Variants in RPTN observed in about 807,000 individuals in gnomAD.
RPTN encodes the protein repetin.
RPTN carries 4 observed loss-of-function variants against 3.6 expected under a neutral mutation model. The ratio of observed to expected loss-of-function variants is 1.12; its 90% CI spans 0.55 to 2.55. RPTN has a LOEUF of 2.55. RPTN is among the 30% of genes most tolerant of loss of function. RPTN has a pLI of 0.02. For synonymous variants in RPTN, 293 were observed against 319.3 expected (o/e 0.92, Z 0.88); for missense variants, 860 against 916.7 (o/e 0.94, Z 0.80).
chr1:152,155,914 G>C lies in RPTN; in HGVS notation c.1185C>G (p.Asp395Glu). The change falls in exon 3 of 3, where the codon GAC (aspartate) becomes GAG (glutamate). Residue 395 changes from aspartate to glutamate, a missense_variant. By Grantham distance (45) the Asp-to-Glu change is conservative. Coordinates refer to ENST00000316073, the MANE Select transcript of RPTN (RefSeq NM_001122965.1). ...CATAGTGAGAACTTTGGTCTTGTCT[G>C]TCTGTCTGACCATAGTGAGAACTCT... ...QDQSSHYGQT[D>E]RQDQSSHYGQ... The C allele has an allele frequency of 1.2e-6, 2 of 1,613,794 alleles. No homozygotes were observed. The highest frequency in any genetic ancestry group is 8.5e-7 in the Non-Finnish European group (1 of 1,179,934).
In RPTN at chr1:152,154,582, C is replaced by T; in HGVS notation, c.*162G>A. ...TGTGTCTTTTCTGTGAGCCTTGGCT[C>T]TGGTCATCCTCTTTCATGTGGAATT... On this transcript the variant is annotated 3_prime_UTR_variant, in exon 3 of 3. Coordinates refer to ENST00000316073, the MANE Select transcript of RPTN (RefSeq NM_001122965.1). 2 of 1,002,942 alleles carry T rather than the reference C, an allele frequency of 2.0e-6. No individual in the cohort carries two copies. The highest frequency in any genetic ancestry group is 1.5e-6 in the Non-Finnish European group (1 of 671,690). 62.1% of individuals were successfully genotyped at this position (1,002,942 alleles called of 1,614,324 possible). A position where few individuals can be genotyped will look rare whatever the true frequency, so the allele number is the denominator to read the frequency against.
chr1:152,155,123 T>C lies in RPTN; in HGVS notation c.1976A>G (p.Gln659Arg). 1.9e-6 allele frequency: 3 copies of C among 1,614,176 alleles called. No homozygotes were observed. Among genetic ancestry groups the C allele is most frequent in the Non-Finnish European group, 2.5e-6 (3 of 1,180,024 alleles). The change falls in exon 3 of 3, where the codon CAA becomes CGA. Residue 659 changes from glutamine to arginine, a missense_variant. Coordinates refer to ENST00000316073, the MANE Select transcript of RPTN (RefSeq NM_001122965.1). ...TTGGATTTGTGCTAAGAGTTTGTGTTGGTGATGTTGGCTATCCTCTTCAGG... is the reference window on the plus strand; with the variant it reads ...TTGGATTTGTGCTAAGAGTTTGTGTCGGTGATGTTGGCTATCCTCTTCAGG... Reference protein sequence around the residue: ...WEPEEDSQHHQHKLLAQIQQE... With the variant: ...WEPEEDSQHHRHKLLAQIQQE...
Position 152,154,905 on chromosome 1 carries a change from G to A in RPTN, c.2194C>T (p.Arg732Ter), listed in dbSNP as rs377696297. ...QEGPCGTQDR[R>*]THKDEQNHQR... is the part of the protein sequence containing the mutation. ...TGGTTCTGCTCATCTTTATGGGTTC[G>A]CCTGTCCTGTGTCCCACATGGACCT... The change falls in exon 3 of 3, where the codon CGA (arginine) becomes TGA (stop). Residue 732 changes from arginine (R) to a stop codon, truncating the protein, a stop_gained. Coordinates refer to ENST00000316073, the MANE Select transcript of RPTN (RefSeq NM_001122965.1). LOFTEE classifies it low-confidence loss of function (END_TRUNC). The A allele has an allele frequency of 4.6e-5, 75 of 1,613,950 alleles. No homozygotes were observed. Among genetic ancestry groups the A allele is most frequent in the South Asian group, 7.7e-5 (7 of 91,068 alleles).
intron 2 of RPTN, among the ~76,000 whole-genome samples, chr1:152,157,394 A>C (rs1381989821): frequency 6.6e-6 from 1 of 152,200 alleles, no homozygotes; most frequent in Non-Finnish European, 1.5e-5. Context: ...TGAATGAATG[A>C]ATACATGAAA....
chr1:152,154,714 GT>G lies in RPTN; in HGVS notation c.*29del. ...TTTGTCTATTATGTTGTTGCTGATG[GT>G]TTTGATCCTCTTCATGAGTTTGCCT... On this transcript the variant is annotated 3_prime_UTR_variant, in exon 3 of 3. Transcript: ENST00000316073. 6.2e-7 allele frequency: 1 copy of G among 1,610,556 alleles called. No individual in the cohort carries two copies. Among genetic ancestry groups the G allele is most frequent in the Non-Finnish European group, 8.5e-7 (1 of 1,177,970 alleles).
chr1:152,153,949 A>C lies in RPTN; in HGVS notation c.*795T>G, dbSNP rs1204980633. The C allele has an allele frequency of 6.6e-6, 1 of 152,428 alleles. No individual in the cohort carries two copies. The highest frequency in any genetic ancestry group is 2.4e-5 in the African/African-American group (1 of 41,442). 9.4% of individuals were successfully genotyped at this position (152,428 alleles called of 1,614,324 possible). A position where few individuals can be genotyped will look rare whatever the true frequency, so the allele number is the denominator to read the frequency against. ...ATTCTAGTCTAGACTATGAGGCTTG[A>C]AATTCCTGATGTTTTATCCACAGGA... On this transcript the variant is annotated 3_prime_UTR_variant, in exon 3 of 3. Transcript: ENST00000316073.
chr1:152,157,250 T>C (rs1659224626), intron 2 of RPTN, among the ~76,000 whole-genome samples: 1 of 152,238 alleles, frequency 6.6e-6, no homozygotes, highest in African/African-American at 2.4e-5. Context: ...TCACAGGCTA[T>C]ATCCTAGTTG....
Position 152,154,934 on chromosome 1 carries a change from T to A in RPTN, c.2165A>T (p.Gln722Leu), listed in dbSNP as rs1271496466. The A allele has an allele frequency of 3.1e-6, 5 of 1,614,058 alleles. No homozygotes were observed. The Admixed American group carries it at 6.7e-5, about 22-fold the overall frequency. Residue 722 changes from glutamine (Q) to leucine (L), a missense_variant, in exon 3 of 3, where the codon CAG becomes CTG. Transcript: ENST00000316073. ...QTWDRHSHESQEGPCGTQDRR... is the reference protein window; with the variant it reads ...QTWDRHSHESLEGPCGTQDRR... Reference sequence around the variant, plus strand: ...GTCCTGTGTCCCACATGGACCTTCCTGACTCTCATGGCTGTGTCTATCCCA... The same window carrying A: ...GTCCTGTGTCCCACATGGACCTTCCAGACTCTCATGGCTGTGTCTATCCCA...
Position 152,154,465 on chromosome 1 carries a change from G to GA in RPTN, c.*278_*279insT, listed in dbSNP as rs1383791951. 4.1e-5 allele frequency: 22 copies of GA among 539,898 alleles called. No individual in the cohort carries two copies. Among genetic ancestry groups the GA allele is most frequent in the Middle Eastern group, 4.9e-4 (1 of 2,056 alleles). The allele number at this position is 539,898 out of a possible 1,614,324, so 33.4% of individuals were successfully genotyped here. On this transcript the variant is annotated 3_prime_UTR_variant, in exon 3 of 3. Coordinates refer to ENST00000316073, the MANE Select transcript of RPTN (RefSeq NM_001122965.1). ...GCTCTTGCACATAGTCATAGGGGGG[G>GA]TTGGGAACAGTAGCTCCCTTGGCAG... is the stretch of plus-strand genomic sequence containing the variant.
In RPTN at chr1:152,156,561, A is replaced by C; in HGVS notation, c.538T>G (p.Ser180Ala). Residue 180 changes from serine (S) to alanine (A), a missense_variant, in exon 3 of 3, where the codon TCT (serine) becomes GCT (alanine). By Grantham distance (99) the Ser-to-Ala change is moderately conservative (BLOSUM62 1). Transcript: ENST00000316073. The stretch of plus-strand genomic sequence containing the variant: ...TGTCTCTCAGACTGATTGTGGTGAG[A>C]ATCTCTGTCTTGTCTCTCAGGCTGA... ...HSQPERQDRDSHHNQSERQDK... is the reference protein window; with the variant it reads ...HSQPERQDRDAHHNQSERQDK... 6.2e-7 allele frequency: 1 copy of C among 1,613,380 alleles called. No homozygotes were observed.
rs1198759714 is a variant in RPTN, at chr1:152,156,231, C to T, written c.868G>A (p.Gly290Ser). 2 of 1,614,192 alleles carry T rather than the reference C, an allele frequency of 1.2e-6. No homozygotes were observed. Among genetic ancestry groups the T allele is most frequent in the Non-Finnish European group, 1.7e-6 (2 of 1,180,038 alleles). The change falls in exon 3 of 3, where the codon GGC (glycine) becomes AGC (serine). Residue 290 changes from glycine to serine, a missense_variant. Gly to Ser is a moderately conservative substitution (Grantham distance 56). Coordinates refer to ENST00000316073, the MANE Select transcript of RPTN (RefSeq NM_001122965.1). ...ELGCGQTDRQ[G>S]QSSHYGQTDR... ...GTCTGACCGTAGTGGGAACTCTGGC[C>T]TTGTCTGTCTGTCTGACCACAGCCT...
intron 1 of RPTN, among the ~76,000 whole-genome samples, chr1:152,158,617 C>T (rs1209037563): frequency 6.6e-6 from 1 of 152,140 alleles, no homozygotes. Flanking sequence ...AGACTTGGGT[C>T]TTTTGGGATC....
At chr1:152,158,953 A>C (rs1659254869) in intron 1 of RPTN, among the ~76,000 whole-genome samples, 1 of 152,184 alleles carries the variant, frequency 6.6e-6, no homozygotes, top group Non-Finnish European at 1.5e-5. Context: ...TCTAGCCCTC[A>C]GTTTTGGGAT....
In RPTN at chr1:152,154,818, T is replaced by C. The variant is rs1659157752; in HGVS notation, c.2281A>G (p.Thr761Ala). 1 of 1,614,078 alleles carries C rather than the reference T, an allele frequency of 6.2e-7. No homozygotes were observed. Among genetic ancestry groups the C allele is most frequent in the Non-Finnish European group, 8.5e-7 (1 of 1,180,002 alleles). ...TGACGGTTCTGCTTGTCTTCATGGG[T>C]TTGCCTGTCTCGTCTCTGATGGCTC... ...EQSHQRRDRQ[T>A]HEDKQNRQRR... The change falls in exon 3 of 3, where the codon ACC (threonine) becomes GCC (alanine). Residue 761 changes from threonine (T) to alanine (A), a missense_variant. Thr to Ala is a moderately conservative substitution (Grantham distance 58). Coordinates refer to ENST00000316073, the MANE Select transcript of RPTN (RefSeq NM_001122965.1).
chr1:152,154,546 G>A lies in RPTN; in HGVS notation c.*198C>T, dbSNP rs1388300355. 76 of 777,182 alleles carry A rather than the reference G, an allele frequency of 9.8e-5. No homozygotes were observed. The South Asian group carries it at 1.2e-3, about 13-fold the overall frequency. 48.1% of individuals were successfully genotyped at this position (777,182 alleles called of 1,614,324 possible). A position where few individuals can be genotyped will look rare whatever the true frequency, so the allele number is the denominator to read the frequency against. On this transcript the variant is annotated 3_prime_UTR_variant, in exon 3 of 3. Coordinates refer to ENST00000316073, the MANE Select transcript of RPTN (RefSeq NM_001122965.1). ...TCCCACTGCTCTGGGTTGGATAGAA[G>A]GATGGTTCAGTGTGTCTTTTCTGTG...
Position 152,155,008 on chromosome 1 carries a change from A to T in RPTN, c.2091T>A (p.His697Gln), listed in dbSNP as rs1260521995. 2 of 1,613,662 alleles carry T rather than the reference A, an allele frequency of 1.2e-6. No homozygotes were observed. Among genetic ancestry groups the T allele is most frequent in the Non-Finnish European group, 1.7e-6 (2 of 1,179,734 alleles). Residue 697 changes from histidine to glutamine, a missense_variant, in exon 3 of 3, where the codon CAT becomes CAA. Physicochemically the swap from His to Gln is conservative, Grantham distance 24 (BLOSUM62 0). Transcript: ENST00000316073. ...CTGCCCAGTGGCTCAGCCCCTCACC[A>T]TGACTCTGCCTGGTCTGGGCCTGTC... ...GHRQAQTRQS[H>Q]GEGLSHWAEE... is the part of the protein sequence containing the mutation.
Position 152,155,215 on chromosome 1 carries a change from C to T in RPTN, c.1884G>A (p.Gly628=). The T allele has an allele frequency of 1.2e-6, 2 of 1,614,230 alleles. No homozygotes were observed. Among genetic ancestry groups the T allele is most frequent in the South Asian group, 2.2e-5 (2 of 91,088 alleles). ...GGAATCCCTGTCCCTGGTTTTGGTACCCTTCCTGTCCTGGAGTCTGTTGAC... is the reference window on the plus strand; with the variant it reads ...GGAATCCCTGTCCCTGGTTTTGGTATCCTTCCTGTCCTGGAGTCTGTTGAC... ...RLSQQTPGQE[G]YQNQGQGFQS... The change falls in exon 3 of 3, where the codon GGG becomes GGA. Residue 628 remains glycine, a synonymous_variant. Transcript: ENST00000316073.
intron 1 of RPTN, among the ~76,000 whole-genome samples, chr1:152,158,573 T>C (rs1659249236): frequency 6.6e-6 from 1 of 152,206 alleles, no homozygotes; most frequent in Non-Finnish European, 1.5e-5. Context: ...AGGAGGTATA[T>C]ATAATCAGTT....
chr1:152,158,085 T>A (rs1010550739), intron 1 of RPTN, among the ~76,000 whole-genome samples, 176 bp from the exon 2 acceptor site: 11 of 152,124 alleles, frequency 7.2e-5, no homozygotes, highest in Non-Finnish European at 1.0e-4. Context: ...CTCATTGCTA[T>A]AGTGGGAGAT....
Sources: gnomAD v4.1 joint callset for allele counts (sites outside exome capture counted in the v4.1 genomes callset) on GRCh38, gnomAD v4.1.1 for gene constraint, MANE v1.5 for transcripts, NCBI Gene and HGNC (gene_info 2026-07-23, HGNC 2026-07-21) for gene names.